SLC24A2: variants seen among roughly 807,000 people sequenced by gnomAD.
SLC24A2 encodes solute carrier family 24 member 2, also known as sodium/potassium/calcium exchanger 2.
A neutral mutation model predicts 62.0 loss-of-function variants in SLC24A2; 36 were observed. That is an observed-to-expected ratio of 0.58 (90% CI 0.44 to 0.77). The LOEUF is 0.77. Ranked by LOEUF, SLC24A2 falls within the 30% of genes least tolerant of loss-of-function variation. The probability of loss-of-function intolerance (pLI) is 0.00; values close to 1 mark genes in which losing one functional copy is unlikely to be tolerated. For synonymous variants in SLC24A2, 358 were observed against 294.0 expected, an observed-to-expected ratio of 1.22 and a Z score of -2.23; for missense variants, 846 against 817.9, an observed-to-expected ratio of 1.03 and a Z score of -0.42.
intron 2 of SLC24A2, among the ~76,000 whole-genome samples, chr9:19,672,452 T>C (rs977893071): frequency 1.4e-5 from 2 of 146,704 alleles, no homozygotes; most frequent in Non-Finnish European, 3.0e-5. Context: ...ATCTTGCTAA[T>C]GGTCTATCAA....
the SLC24A2 span, among the ~76,000 whole-genome samples, chr9:20,173,255 C>G: frequency 6.6e-6 from 1 of 152,028 alleles, no homozygotes; most frequent in African/African-American, 2.4e-5. Context: ...AAGGCATTCC[C>G]TCTGAGAACT....
chr9:19,566,775 C>A (rs1835668642), intron 7 of SLC24A2, among the ~76,000 whole-genome samples: 2 of 152,174 alleles, frequency 1.3e-5, no homozygotes, highest in Admixed American at 1.3e-4. Flanking sequence ...GAATACTATG[C>A]AGCCATAAAA....
chr9:19,660,808 C>A (rs1156894186), intron 2 of SLC24A2, among the ~76,000 whole-genome samples: 1 of 152,192 alleles, frequency 6.6e-6, no homozygotes, highest in African/African-American at 2.4e-5. Context: ...CTGGGCAAAG[C>A]ACTTTATAGG....
chr9:19,736,996 A>G (rs1821529988), intron 2 of SLC24A2, among the ~76,000 whole-genome samples: 1 of 152,224 alleles, frequency 6.6e-6, no homozygotes, highest in South Asian at 2.1e-4. Flanking sequence ...ATCTGCAAAT[A>G]TAGTGGGAAA....
chr9:19,953,746 G>C, the SLC24A2 span, among the ~76,000 whole-genome samples: 1 of 152,098 alleles, frequency 6.6e-6, no homozygotes, highest in East Asian at 1.9e-4. Context: ...ACACCTGTTA[G>C]GCACTGAACA....
chr9:19,951,350 A>G, the SLC24A2 span, among the ~76,000 whole-genome samples: 1 of 150,546 alleles, frequency 6.6e-6, no homozygotes, highest in Non-Finnish European at 1.5e-5. Context: ...AAAGTTTTTT[A>G]TTTTTACAAA....
At chr9:19,668,578 G>T (rs1173092833) in intron 2 of SLC24A2, among the ~76,000 whole-genome samples, 1 of 152,034 alleles carries the variant, frequency 6.6e-6, no homozygotes, top group Non-Finnish European at 1.5e-5. Flanking sequence ...TTGAGACAGG[G>T]TCTCCCTCTG....
chr9:20,108,793 A>G, the SLC24A2 span, among the ~76,000 whole-genome samples: 4 of 152,202 alleles, frequency 2.6e-5, no homozygotes, highest in Non-Finnish European at 5.9e-5. Flanking sequence ...GCACAAGTAT[A>G]CATATGTAAC....
the SLC24A2 span, among the ~76,000 whole-genome samples, chr9:20,210,768 T>C: frequency 1.3e-5 from 2 of 149,218 alleles, no homozygotes; most frequent in East Asian, 4.1e-4. Context: ...CCTCCCATAG[T>C]GCTGGGATTA....
chr9:19,881,948 C>G, the SLC24A2 span, among the ~76,000 whole-genome samples: 13 of 152,286 alleles, frequency 8.5e-5, no homozygotes, highest in African/African-American at 3.1e-4. Flanking sequence ...ATTTTTTTCA[C>G]AAATGTCATT....
chr9:20,186,662 A>G, the SLC24A2 span, among the ~76,000 whole-genome samples: 1 of 152,200 alleles, frequency 6.6e-6, no homozygotes, highest in East Asian at 1.9e-4. Flanking sequence ...GGAAAATGAA[A>G]ATATATCTTT....
the SLC24A2 span, among the ~76,000 whole-genome samples, chr9:20,086,859 G>T: frequency 6.6e-6 from 1 of 152,190 alleles, no homozygotes; most frequent in Non-Finnish European, 1.5e-5. Context: ...TGGTGTTGCA[G>T]TTATATGCAT....
At chr9:20,089,914 C>G in the SLC24A2 span, among the ~76,000 whole-genome samples, 1 of 152,100 alleles carries the variant, frequency 6.6e-6, no homozygotes, top group African/African-American at 2.4e-5. Context: ...GGTAGTGCAG[C>G]TACCTCTCTC....
At chr9:20,179,463 C>T in the SLC24A2 span, among the ~76,000 whole-genome samples, 1 of 152,166 alleles carries the variant, frequency 6.6e-6, no homozygotes, top group African/African-American at 2.4e-5. Flanking sequence ...CAAACATCAG[C>T]AGTTGCTGGT....
chr9:19,543,434 A>C (rs1834384009), intron 8 of SLC24A2, among the ~76,000 whole-genome samples: 1 of 146,928 alleles, frequency 6.8e-6, no homozygotes, highest in African/African-American at 2.5e-5. Flanking sequence ...TATCTCCTTC[A>C]GTTCTGCTCT....
intron 7 of SLC24A2, among the ~76,000 whole-genome samples, chr9:19,563,756 T>C: frequency 8.6e-6 from 1 of 116,530 alleles, no homozygotes; most frequent in Non-Finnish European, 1.6e-5. Context: ...TGACCCTTCC[T>C]TCCTTTCATC....
the SLC24A2 span, among the ~76,000 whole-genome samples, chr9:20,299,832 T>G: frequency 1.1e-4 from 16 of 152,322 alleles, no homozygotes; most frequent in East Asian, 3.1e-3. Context: ...GATCCAAACT[T>G]GGACCTCTTA....
intron 8 of SLC24A2, 108 bp from the exon 9 acceptor site, chr9:19,528,246 C>CAGGAA: frequency 1.3e-6 from 1 of 765,890 alleles, no homozygotes; most frequent in Non-Finnish European, 2.3e-6. Context: ...GCATTTCCTG[C>CAGGAA]ATCTTAGTAG....
chr9:20,031,784 A>G, the SLC24A2 span, among the ~76,000 whole-genome samples: 4 of 152,180 alleles, frequency 2.6e-5, no homozygotes, highest in African/African-American at 9.7e-5. Context: ...ACTTGTATCC[A>G]GACAACCTAG....
Sources: gnomAD v4.1 joint callset for allele counts (sites outside exome capture counted in the v4.1 genomes callset) on GRCh38, gnomAD v4.1.1 for gene constraint, MANE v1.5 for transcripts, NCBI Gene and HGNC (gene_info 2026-07-23, HGNC 2026-07-21) for gene names.